GCNT4: variants seen among roughly 807,000 people sequenced by gnomAD.
The protein encoded by GCNT4 is beta-1,3-galactosyl-O-glycosyl-glycoprotein beta-1,6-N-acetylglucosaminyltransferase 4.
In GCNT4, 17 loss-of-function variants were observed where a neutral mutation model predicts 31.3. The observed-to-expected ratio is 0.54, with a 90% CI of 0.37 to 0.81. The LOEUF (loss-of-function observed/expected upper bound fraction) is 0.81. GCNT4 is among the 40% of genes least tolerant of loss of function. GCNT4 has a pLI of 0.00. For synonymous variants in GCNT4, 158 were observed against 190.6 expected (o/e 0.83, Z 1.41); for missense variants, 503 against 525.5 (o/e 0.96, Z 0.42).
chr5:75,044,726 C>T (rs1264054592), intron 3 of GCNT4, among the ~76,000 whole-genome samples: 1 of 152,134 alleles, frequency 6.6e-6, no homozygotes, highest in African/African-American at 2.4e-5. Flanking sequence ...CCACGGATTT[C>T]TGCGGGGTAG....
chr5:75,025,706 T>G lies in GCNT4; in HGVS notation c.*2970A>C, dbSNP rs1049932154. ...CAAGATAAATCTTCAAATTAAAATA[T>G]GTACATTTCACTTAAATTAACCAAA... is the stretch of plus-strand genomic sequence containing the variant. On this transcript the variant is annotated 3_prime_UTR_variant, in exon 4 of 4. Transcript: ENST00000652361. 2 of 152,250 alleles carry G rather than the reference T, an allele frequency of 1.3e-5. No homozygotes were observed. The highest frequency in any genetic ancestry group is 2.4e-5 in the African/African-American group (1 of 41,470). The allele number at this position is 152,250 out of a possible 1,614,324, so 9.4% of individuals were successfully genotyped here.
intron 3 of GCNT4, among the ~76,000 whole-genome samples, chr5:75,035,703 G>A (rs12657184): frequency 0.096 from 14,573 of 152,228 alleles, 830 homozygotes; most frequent in East Asian, 0.2. Context: ...CTTTCTGACT[G>A]ACAGAGGTTT....
chr5:75,025,641 T>C lies in GCNT4; in HGVS notation c.*3035A>G, dbSNP rs997618656. Reference sequence around the variant, plus strand: ...TATCATTTTTATTTTCCATGAAATATGTCAAAATATATGCAAGTATATCTT... The same window carrying C: ...TATCATTTTTATTTTCCATGAAATACGTCAAAATATATGCAAGTATATCTT... On this transcript the variant is annotated 3_prime_UTR_variant, in exon 4 of 4. Coordinates refer to ENST00000652361, the MANE Select transcript of GCNT4 (RefSeq NM_001366737.1). 6.6e-6 allele frequency: 1 copy of C among 152,224 alleles called. No individual in the cohort carries two copies. Among genetic ancestry groups the C allele is most frequent in the Non-Finnish European group, 1.5e-5 (1 of 68,036 alleles). 9.4% of individuals were successfully genotyped at this position (152,224 alleles called of 1,614,324 possible).
rs1220998559 is a variant in GCNT4 at position 75,029,508 on chromosome 5, T to C, written c.530A>G (p.Asn177Ser). 1 of 1,614,002 alleles carries C rather than the reference T, an allele frequency of 6.2e-7. No homozygotes were observed. Among genetic ancestry groups the C allele is most frequent in the East Asian group, 2.2e-5 (1 of 44,896 alleles). ...KAPDTFKVAM[N>S]NLAKCFSNIF... Reference sequence around the variant, plus strand: ...ATTGGAGAAGCACTTAGCTAAATTGTTCATGGCAACTTTGAAGGTATCAGG... The same window carrying C: ...ATTGGAGAAGCACTTAGCTAAATTGCTCATGGCAACTTTGAAGGTATCAGG... Residue 177 changes from asparagine (N) to serine (S), a missense_variant, in exon 4 of 4, where the codon AAC becomes AGC. Coordinates refer to ENST00000652361, the MANE Select transcript of GCNT4 (RefSeq NM_001366737.1).
At chr5:75,047,116 A>C (rs982917139) in intron 3 of GCNT4, among the ~76,000 whole-genome samples, 2 of 152,150 alleles carry the variant, frequency 1.3e-5, no homozygotes, top group African/African-American at 4.8e-5. Context: ...TAAGTGTTCA[A>C]TTCTCACTGC....
Position 75,034,983 on chromosome 5 carries a change from G to A in GCNT4, c.-1-4945C>T, listed in dbSNP as rs1456360465. Among the ~76,000 whole-genome samples, 39 of 94,332 alleles carry A rather than the reference G, an allele frequency of 4.1e-4. 2 individuals carry two copies. The highest frequency in any genetic ancestry group is 1.5e-3 in the African/African-American group (34 of 22,402). 61.9% of individuals were successfully genotyped at this position (94,332 alleles called of 152,430 possible). ...GCATTCAGGGACACCCCAGCTAAGC[G>A]GACACGACCGCATTCAGGGACACCC... is the stretch of plus-strand genomic sequence containing the variant. On this transcript the variant is annotated intron_variant, in intron 3 of 3. Transcript: ENST00000652361.
rs114712684 is a variant in GCNT4 at position 75,041,071 on chromosome 5, T to C, written c.-2+6826A>G. On this transcript the variant is annotated intron_variant, in intron 3 of 3. Coordinates refer to ENST00000652361, the MANE Select transcript of GCNT4 (RefSeq NM_001366737.1). ...ATTGGCTAAACGCGGTCTGTAAGTA[T>C]GTGTTGCAAAAGCTATAAGCTTTTC... Among the ~76,000 whole-genome samples the C allele has an allele frequency of 4.8e-4, 73 of 152,370 alleles. 1 individual carries two copies. The East Asian group carries it at 0.013, about 27-fold the overall frequency.
At chr5:75,051,813 C>T (rs146832144) in intron 2 of GCNT4, among the ~76,000 whole-genome samples, 201 of 152,286 alleles carry the variant, frequency 1.3e-3, no homozygotes, top group African/African-American at 4.6e-3. Flanking sequence ...TAAACCTTCT[C>T]ATCCCACCAC....
intron 3 of GCNT4, among the ~76,000 whole-genome samples, chr5:75,034,860 TG>T (rs1228129281): frequency 6.6e-6 from 1 of 152,256 alleles, no homozygotes; most frequent in African/African-American, 2.4e-5. Flanking sequence ...ATCCAGGCAT[TG>T]TTGGAGCCTT....
chr5:75,039,294 A>G (rs138774268), intron 3 of GCNT4, among the ~76,000 whole-genome samples: 5,537 of 152,018 alleles, frequency 0.036, 292 homozygotes, highest in African/African-American at 0.13. Flanking sequence ...GGGTTTCACT[A>G]TGTTGGCCAG....
At chr5:75,033,918 T>C (rs971262270) in intron 3 of GCNT4, among the ~76,000 whole-genome samples, 1 of 152,144 alleles carries the variant, frequency 6.6e-6, no homozygotes, top group Non-Finnish European at 1.5e-5. Context: ...CTCCCACTTA[T>C]GAGTGAGAAC....
chr5:75,039,669 T>C (rs1743276154), intron 3 of GCNT4, among the ~76,000 whole-genome samples: 1 of 152,210 alleles, frequency 6.6e-6, no homozygotes, highest in Non-Finnish European at 1.5e-5. Context: ...GAGCCTGTTC[T>C]ACAACCAAAA....
In GCNT4 at chr5:75,029,005, C is replaced by T. The variant is rs760526481; in HGVS notation, c.1033G>A (p.Val345Ile). Residue 345 changes from valine to isoleucine, a missense_variant, in exon 4 of 4, where the codon GTT becomes ATT. Val to Ile is a conservative substitution (Grantham distance 29, BLOSUM62 3). Transcript: ENST00000652361. ...GAAATCTCCCCAGGTATTCCTGGAA[C>T]CCGAATCAAGGTAGCCCAAAAGTGC... Reference protein sequence around the residue: ...DEHFWATLIRVPGIPGEISRS... With the variant: ...DEHFWATLIRIPGIPGEISRS... The T allele has an allele frequency of 2.5e-6, 4 of 1,614,060 alleles. No homozygotes were observed. The South Asian group carries it at 4.4e-5, about 18-fold the overall frequency.
chr5:75,053,318 G>A (rs1743631192), upstream of GCNT4, among the ~76,000 whole-genome samples: 1 of 152,024 alleles, frequency 6.6e-6, no homozygotes. Flanking sequence ...GTTCAGCCCG[G>A]TTCCCCGCGC....
In GCNT4 at chr5:75,027,491, T is replaced by C. The variant is rs1742974488; in HGVS notation, c.*1185A>G. 1 of 148,788 alleles carries C rather than the reference T, an allele frequency of 6.7e-6. No homozygotes were observed. The highest frequency in any genetic ancestry group is 6.8e-5 in the Admixed American group (1 of 14,740). 9.2% of individuals were successfully genotyped at this position (148,788 alleles called of 1,614,324 possible). On this transcript the variant is annotated 3_prime_UTR_variant, in exon 4 of 4. Transcript: ENST00000652361. ...ATTGGGTGGTTTTCTCAAGTGTGGG[T>C]TTTAGAAAATATCCTTAATGAATAT...
At chr5:75,040,832 T>C (rs1346261738) in intron 3 of GCNT4, among the ~76,000 whole-genome samples, 1 of 152,264 alleles carries the variant, frequency 6.6e-6, no homozygotes, top group Non-Finnish European at 1.5e-5. Context: ...CTTGACAGCA[T>C]TCTTTTTTGT....
At chr5:75,047,279 G>A (rs1485284536) in intron 3 of GCNT4, among the ~76,000 whole-genome samples, 3 of 152,096 alleles carry the variant, frequency 2.0e-5, no homozygotes, top group Admixed American at 2.0e-4. Context: ...GTAAATTTTT[G>A]CCTTCCCTAC....
At chr5:75,038,312 G>A (rs1456313418) in intron 3 of GCNT4, among the ~76,000 whole-genome samples, 1 of 152,140 alleles carries the variant, frequency 6.6e-6, no homozygotes, top group Non-Finnish European at 1.5e-5. Context: ...CACAGTTCCT[G>A]AAGAAGCCCA....
downstream of GCNT4, among the ~76,000 whole-genome samples, chr5:75,024,741 G>A (rs1326686363): frequency 6.6e-6 from 1 of 152,076 alleles, no homozygotes. Context: ...CACGAGGTCA[G>A]GAGTTTGAGA....
Sources: allele counts gnomAD v4.1 joint callset (sites outside exome capture counted in the v4.1 genomes callset), GRCh38; gene constraint gnomAD v4.1.1; transcripts MANE v1.5; gene names NCBI Gene and HGNC (gene_info 2026-07-23, HGNC 2026-07-21).